Variants in CHODL observed in about 807,000 individuals in gnomAD.
CHODL encodes transmembrane protein MT75.
A neutral mutation model predicts 34.5 loss-of-function variants in CHODL; 29 were observed. That is an observed-to-expected ratio of 0.84 (90% CI 0.63 to 1.15). The LOEUF is 1.15. Ranked by LOEUF, CHODL falls within the 50% of genes most tolerant of loss-of-function variation. CHODL has a pLI of 0.00. For synonymous variants in CHODL, 125 were observed against 116.1 expected (o/e 1.08, Z -0.49); for missense variants, 332 against 332.5 (o/e 1.00, Z 0.01).
At chr21:17,925,997 TTAATAG>T (rs2063219253) in intron 1 of CHODL, among the ~76,000 whole-genome samples, 1 of 152,218 alleles carries the variant, frequency 6.6e-6, no homozygotes, top group South Asian at 2.1e-4. Context: ...TGTGGTTTAA[TTAATAG>T]TAATTTAATT....
chr21:18,245,223 G>T lies in CHODL; in HGVS notation c.-1G>T, dbSNP rs1166644122. The stretch of plus-strand genomic sequence containing the variant: ...ACACCTGCTGCTGCCACCGCGCCGC[G>T]ATGAGCCGCGTGGTCTCGCTGCTGC... On this transcript the variant is annotated 5_prime_UTR_variant, in exon 1 of 6. Transcript: ENST00000299295. The T allele has an allele frequency of 1.4e-6, 2 of 1,462,204 alleles. No homozygotes were observed. Among genetic ancestry groups the T allele is most frequent in the Non-Finnish European group, 1.8e-6 (2 of 1,106,300 alleles). The allele number at this position is 1,462,204 out of a possible 1,614,324, so 90.6% of individuals were successfully genotyped here.
At chr21:18,027,317 T>C (rs1003129642) in intron 1 of CHODL, among the ~76,000 whole-genome samples, 10 of 152,176 alleles carry the variant, frequency 6.6e-5, no homozygotes, top group Middle Eastern at 6.8e-3. Flanking sequence ...TCTCCAGAAA[T>C]AACATGTCCT....
intron 2 of CHODL, among the ~76,000 whole-genome samples, chr21:18,107,204 T>C (rs1043012474): frequency 4.6e-5 from 7 of 152,342 alleles, no homozygotes; most frequent in Non-Finnish European, 5.9e-5. Flanking sequence ...TTGAGAATGA[T>C]AATGAATTGC....
intron 1 of CHODL, among the ~76,000 whole-genome samples, chr21:17,977,760 T>C (rs1304946227): frequency 2.7e-5 from 4 of 148,466 alleles, no homozygotes; most frequent in Non-Finnish European, 6.0e-5. Flanking sequence ...CTACTAAAAA[T>C]ACAAAAAAGT....
At chr21:18,056,334 TTTATC>T (rs2064579553) in intron 2 of CHODL, among the ~76,000 whole-genome samples, 1 of 151,718 alleles carries the variant, frequency 6.6e-6, no homozygotes, top group East Asian at 1.9e-4. Flanking sequence ...GAAATAATTT[TTTATC>T]TTAAAATAAA....
intron 1 of CHODL, among the ~76,000 whole-genome samples, chr21:17,929,300 T>A (rs1217455718): frequency 6.6e-6 from 1 of 152,236 alleles, no homozygotes; most frequent in Non-Finnish European, 1.5e-5. Flanking sequence ...TCACTTAAAC[T>A]TGCAAATTTA....
chr21:18,158,842 A>AC (rs2146639453), intron 2 of CHODL, among the ~76,000 whole-genome samples: 1 of 151,334 alleles, frequency 6.6e-6, no homozygotes, highest in South Asian at 2.1e-4. Context: ...CCGTCTTAAA[A>AC]AAAAAAAAAA....
intron 1 of CHODL, among the ~76,000 whole-genome samples, chr21:17,933,203 C>T (rs1401515726): frequency 1.3e-5 from 2 of 152,156 alleles, no homozygotes; most frequent in Non-Finnish European, 2.9e-5. Context: ...AGATGCCTTC[C>T]TCTTGTTTCA....
chr21:17,974,906 G>A (rs2063648541), intron 1 of CHODL, among the ~76,000 whole-genome samples: 1 of 148,466 alleles, frequency 6.7e-6, no homozygotes, highest in African/African-American at 2.5e-5. Flanking sequence ...TTCTGAGGCA[G>A]TCAAAATGTA....
chr21:18,144,909 C>T (rs1338866350), intron 2 of CHODL, among the ~76,000 whole-genome samples: 1 of 141,988 alleles, frequency 7.0e-6, no homozygotes, highest in Non-Finnish European at 1.6e-5. Flanking sequence ...AGGTTCAAAA[C>T]AGTATTATTT....
At chr21:17,918,223 T>A (rs376236716) in intron 1 of CHODL, among the ~76,000 whole-genome samples, 2 of 152,240 alleles carry the variant, frequency 1.3e-5, no homozygotes, top group African/African-American at 4.8e-5. Flanking sequence ...TATTTTTTAC[T>A]GTTTACTTGC....
At chr21:18,184,052 C>T (rs1478804561) in intron 2 of CHODL, among the ~76,000 whole-genome samples, 1 of 152,100 alleles carries the variant, frequency 6.6e-6, no homozygotes, top group Non-Finnish European at 1.5e-5. Flanking sequence ...GATTTAATTA[C>T]ATGAATTGTG....
chr21:18,087,534 TTGTCCTAGATATA>T (rs573413315), intron 2 of CHODL, among the ~76,000 whole-genome samples: 141 of 152,202 alleles, frequency 9.3e-4, no homozygotes, highest in African/African-American at 3.3e-3. Context: ...GCAGTGAATA[TTGTCCTAGATATA>T]TGCATAGGAG....
At chr21:18,170,493 A>T (rs1355428394) in intron 2 of CHODL, among the ~76,000 whole-genome samples, 4 of 151,894 alleles carry the variant, frequency 2.6e-5, no homozygotes, top group Non-Finnish European at 5.9e-5. Context: ...CTTCTCTATT[A>T]CTGGCTTATT....
rs115700321 is a variant in CHODL, at chr21:18,206,131, T to C, written c.-44-50378T>C. Among the ~76,000 whole-genome samples the C allele has an allele frequency of 3.7e-3, 557 of 152,336 alleles. 4 individuals carry two copies. Among genetic ancestry groups the C allele is most frequent in the African/African-American group, 0.013 (523 of 41,574 alleles). ...TGGAATCACTGGATAAAATGTTCCG[T>C]AAATATCTGATTGGTCTATTTTGGT... On this transcript the variant is annotated intron_variant, in intron 2 of 6. Coordinates refer to the CHODL transcript ENST00000400127.
At chr21:18,054,928 C>T (rs909162467) in intron 2 of CHODL, among the ~76,000 whole-genome samples, 3 of 151,978 alleles carry the variant, frequency 2.0e-5, no homozygotes, top group African/African-American at 4.8e-5. Context: ...TTTTCCAGCT[C>T]ATTTGTCCAG....
rs772746338 is a variant in CHODL, at chr21:17,963,726, C to CT, written c.-145+46337dup. Reference sequence around the variant, plus strand: ...ATCATTTTTCTGACAAGAAAACAACCTTTTTTTTTTTCTGTGCCATTGGTT... The same window carrying CT: ...ATCATTTTTCTGACAAGAAAACAACCTTTTTTTTTTTTCTGTGCCATTGGTT... On this transcript the variant is annotated intron_variant, in intron 1 of 6. Transcript: ENST00000400127. 1.4e-3 allele frequency among the ~76,000 whole-genome samples: 205 copies of CT among 147,440 alleles called. 1 individual carries two copies. Among genetic ancestry groups the CT allele is most frequent in the South Asian group, 7.6e-3 (35 of 4,626 alleles).
At chr21:17,931,024 T>A (rs951677153) in intron 1 of CHODL, among the ~76,000 whole-genome samples, 6 of 152,014 alleles carry the variant, frequency 3.9e-5, no homozygotes, top group Non-Finnish European at 8.8e-5. Flanking sequence ...GGCACAAGGG[T>A]GTGATACAGA....
At chr21:18,176,593 T>A (rs2073317091) in intron 2 of CHODL, among the ~76,000 whole-genome samples, 1 of 152,184 alleles carries the variant, frequency 6.6e-6, no homozygotes, top group Non-Finnish European at 1.5e-5. Context: ...TTTTTGAAGC[T>A]TGTTTATCTA....
Sources: gnomAD v4.1 joint callset for allele counts (sites outside exome capture counted in the v4.1 genomes callset) on GRCh38, gnomAD v4.1.1 for gene constraint, MANE v1.5 for transcripts, NCBI Gene and HGNC (gene_info 2026-07-23, HGNC 2026-07-21) for gene names.